CACHD1: variants seen among roughly 807,000 people sequenced by gnomAD.
CACHD1 encodes the protein cache domain containing 1.
CACHD1 carries 71 observed loss-of-function variants against 138.7 expected under a neutral mutation model. The observed-to-expected ratio is 0.51, with a 90% CI of 0.42 to 0.62. The LOEUF (loss-of-function observed/expected upper bound fraction) is 0.62. CACHD1 is among the 20% of genes least tolerant of loss of function. The pLI is 0.00. For missense variants in CACHD1, 1,389 were observed against 1,625.3 expected (o/e 0.85, Z 2.50); for synonymous variants, 578 against 591.5 (o/e 0.98, Z 0.33).
intron 1 of CACHD1, among the ~76,000 whole-genome samples, chr1:64,520,170 G>A (rs920402943): frequency 6.6e-5 from 10 of 152,126 alleles, no homozygotes; most frequent in African/African-American, 1.9e-4. Flanking sequence ...CAACTGTGCC[G>A]GACTCATGTC....
chr1:64,551,084 G>A (rs1646755605), intron 2 of CACHD1, among the ~76,000 whole-genome samples: 1 of 152,118 alleles, frequency 6.6e-6, no homozygotes, highest in South Asian at 2.1e-4. Flanking sequence ...TTAAATAAGA[G>A]GAACATAATA....
intron 1 of CACHD1, among the ~76,000 whole-genome samples, chr1:64,486,438 GT>G (rs1436974268): frequency 1.3e-5 from 2 of 151,652 alleles, no homozygotes. Flanking sequence ...ATTCAGATGT[GT>G]TTTTTATCTT....
chr1:64,656,222 C>T (rs1649257418), intron 12 of CACHD1, among the ~76,000 whole-genome samples: 2 of 152,262 alleles, frequency 1.3e-5, no homozygotes, highest in South Asian at 4.2e-4. Context: ...ATTTGAGAAA[C>T]TTATGTTTAC....
chr1:64,480,497 C>T (rs1646202161), intron 1 of CACHD1, among the ~76,000 whole-genome samples: 1 of 151,970 alleles, frequency 6.6e-6, no homozygotes, highest in Non-Finnish European at 1.5e-5. Flanking sequence ...CTGATGGTCT[C>T]ATTTGACAGC....
chr1:64,609,419 T>C lies in CACHD1; in HGVS notation c.517+6507T>C, dbSNP rs149298356. ...CTGTTTAGTCACTCAGAAATGTAGA[T>C]TCTTGAGCTTGTATGATTCAGTTTA... On this transcript the variant is annotated intron_variant, in intron 4 of 26. Coordinates refer to ENST00000651257, the MANE Select transcript of CACHD1 (RefSeq NM_020925.4). 2.3e-3 allele frequency among the ~76,000 whole-genome samples: 349 copies of C among 152,324 alleles called. 3 individuals are homozygous for C. Among genetic ancestry groups the C allele is most frequent in the African/African-American group, 8.0e-3 (334 of 41,570 alleles).
chr1:64,544,730 C>CT lies in CACHD1; in HGVS notation c.199-5860dup, dbSNP rs1233539164. Among the ~76,000 whole-genome samples, 4 of 151,290 alleles carry CT rather than the reference C, an allele frequency of 2.6e-5. 1 individual carries two copies. Among genetic ancestry groups the CT allele is most frequent in the African/African-American group, 9.7e-5 (4 of 41,116 alleles). On this transcript the variant is annotated intron_variant, in intron 1 of 26. Coordinates refer to ENST00000651257, the MANE Select transcript of CACHD1 (RefSeq NM_020925.4). The stretch of plus-strand genomic sequence containing the variant: ...TAACTTCATTTGTGTTGAACCTGCT[C>CT]TTTTGGGGAGGGAGCGGGGAGGCAG...
At chr1:64,505,378 CTGGAG>C (rs1646364143) in intron 1 of CACHD1, among the ~76,000 whole-genome samples, 1 of 145,254 alleles carries the variant, frequency 6.9e-6, no homozygotes, top group African/African-American at 2.8e-5. Context: ...GCTGCGAGGT[CTGGAG>C]GGGAGGGGAG....
At chr1:64,583,794 GC>G in intron 3 of CACHD1, among the ~76,000 whole-genome samples, 1 of 152,052 alleles carries the variant, frequency 6.6e-6, no homozygotes. Context: ...CAGGGGAGCT[GC>G]CCTTTATAAA....
intron 8 of CACHD1, among the ~76,000 whole-genome samples, chr1:64,647,160 G>GT (rs11411462): frequency 1 from 151,708 of 152,296 alleles, 75,566 homozygotes; most frequent in Middle Eastern, 1. Context: ...TTTGTACAAA[G>GT]TTTCAAAACC....
At position 64,483,110 on chromosome 1, in the gene CACHD1, G is replaced by T. The variant is rs114768102; in HGVS notation, c.198+12168G>T. Among the ~76,000 whole-genome samples, 1,184 of 152,264 alleles carry T rather than the reference G, an allele frequency of 7.8e-3. 16 individuals are homozygous for T. The highest frequency in any genetic ancestry group is 0.027 in the African/African-American group (1,125 of 41,540). ...CAGGAAATGTCTAGGGTCTTTATCT[G>T]CTACTAAAGATTAAGAATGTTTCAG... On this transcript the variant is annotated intron_variant, in intron 1 of 26. Transcript: ENST00000651257.
chr1:64,607,682 G>A (rs1647383339), intron 4 of CACHD1, among the ~76,000 whole-genome samples: 22 of 152,192 alleles, frequency 1.4e-4, no homozygotes, highest in Admixed American at 1.4e-3. Context: ...TGCATCACCA[G>A]TAGAGGACCT....
chr1:64,572,331 A>G (rs1646933137), intron 2 of CACHD1, among the ~76,000 whole-genome samples: 1 of 152,108 alleles, frequency 6.6e-6, no homozygotes, highest in African/African-American at 2.4e-5. Context: ...TTCAGATGTA[A>G]AAGAATCTCG....
At position 64,520,570 on chromosome 1, in the gene CACHD1, A is replaced by G. The variant is rs147388763; in HGVS notation, c.199-30024A>G. Among the ~76,000 whole-genome samples, 905 of 152,302 alleles carry G rather than the reference A, an allele frequency of 5.9e-3. 2 individuals are homozygous for G. The highest frequency in any genetic ancestry group is 9.4e-3 in the Non-Finnish European group (637 of 68,028). On this transcript the variant is annotated intron_variant, in intron 1 of 26. Transcript: ENST00000651257. ...ACTCACATGCAATATCTCATTACCT[A>G]TACTGAATTATTGTTAAGTTAATTA...
intron 8 of CACHD1, among the ~76,000 whole-genome samples, chr1:64,643,728 C>A (rs2100664248): frequency 6.6e-6 from 1 of 152,278 alleles, no homozygotes; most frequent in Admixed American, 6.5e-5. Flanking sequence ...GTCCCAGCTA[C>A]TCGGGAAGCT....
intron 1 of CACHD1, among the ~76,000 whole-genome samples, chr1:64,509,981 A>C (rs1646407092): frequency 6.6e-6 from 1 of 152,244 alleles, no homozygotes; most frequent in African/African-American, 2.4e-5. Context: ...CCCCACATAC[A>C]TACATTTCAC....
Position 64,666,052 on chromosome 1 carries a change from A to G in CACHD1, c.2277-5A>G, listed in dbSNP as rs760151035. 5.3e-6 allele frequency: 8 copies of G among 1,518,172 alleles called. No homozygotes were observed. Among genetic ancestry groups the G allele is most frequent in the Non-Finnish European group, 7.3e-6 (8 of 1,101,682 alleles). 94.0% of individuals were successfully genotyped at this position (1,518,172 alleles called of 1,614,324 possible). ...AATAACATGACTTTCTTTGGTCTCC[A>G]TTAGGTATCTCCATGCAGTAGCTAA... On this transcript the variant is annotated splice_region_variant and splice_polypyrimidine_tract_variant and intron_variant, in intron 15 of 26. Transcript: ENST00000651257.
chr1:64,587,500 T>A (rs1004028226), intron 3 of CACHD1, among the ~76,000 whole-genome samples: 6 of 152,168 alleles, frequency 3.9e-5, no homozygotes, highest in African/African-American at 1.2e-4. Flanking sequence ...CTCAGACCAG[T>A]CAACTCTTAA....
At position 64,679,519 on chromosome 1, in the gene CACHD1, C is replaced by T; in HGVS notation, c.3245-76C>T. ...CAACCCCCTTCCCACTGTATTCCCT[C>T]CCATCTCACCATCCTTACTTTCTTC... is the stretch of plus-strand genomic sequence containing the variant. On this transcript the variant is annotated intron_variant, in intron 23 of 26. Coordinates refer to ENST00000651257, the MANE Select transcript of CACHD1 (RefSeq NM_020925.4). 9 of 1,527,166 alleles carry T rather than the reference C, an allele frequency of 5.9e-6. No individual in the cohort carries two copies. The South Asian group carries it at 8.3e-5, about 14-fold the overall frequency. 94.6% of individuals were successfully genotyped at this position (1,527,166 alleles called of 1,614,324 possible).
At chr1:64,614,079 C>T (rs1647623501) in intron 4 of CACHD1, among the ~76,000 whole-genome samples, 1 of 152,214 alleles carries the variant, frequency 6.6e-6, no homozygotes, top group Admixed American at 6.5e-5. Flanking sequence ...CAGTACTTCT[C>T]CAGGTTTTAT....
Sources: allele counts gnomAD v4.1 joint callset (sites outside exome capture counted in the v4.1 genomes callset), GRCh38; gene constraint gnomAD v4.1.1; transcripts MANE v1.5; gene names NCBI Gene and HGNC (gene_info 2026-07-23, HGNC 2026-07-21).